The following CUX1 variants were observed in gnomAD, a reference collection of about 807,000 sequenced individuals.
The protein encoded by CUX1 is cut like homeobox 1.
Under a neutral mutation model 158.8 loss-of-function variants are expected in CUX1, and 31 were observed. That is an observed-to-expected ratio of 0.20 (90% confidence interval 0.15 to 0.26). CUX1 has a LOEUF of 0.26. CUX1 is among the 10% of genes least tolerant of loss of function. The pLI, the probability that CUX1 is intolerant of heterozygous loss-of-function variation, is 1.00. For missense variants in CUX1, 1,589 were observed against 2,014.6 expected, an observed-to-expected ratio of 0.79 and a Z score of 4.04; for synonymous variants, 879 against 862.1, an observed-to-expected ratio of 1.02 and a Z score of -0.34.
intron 14 of CUX1, among the ~76,000 whole-genome samples, chr7:102,266,012 T>C (rs1376454916): frequency 6.6e-6 from 1 of 152,104 alleles, no homozygotes; most frequent in Non-Finnish European, 1.5e-5. Flanking sequence ...AAGACCAGCC[T>C]GACCAACATG....
At chr7:102,179,559 C>G (rs1013964620) in intron 11 of CUX1, among the ~76,000 whole-genome samples, 10 of 152,230 alleles carry the variant, frequency 6.6e-5, no homozygotes, top group Admixed American at 6.5e-5. Flanking sequence ...GTCTAGGCTC[C>G]CTCCCACTAG....
At chr7:101,840,902 AT>A (rs112818664) in intron 1 of CUX1, among the ~76,000 whole-genome samples, 26,714 of 149,854 alleles carry the variant, frequency 0.18, 2,527 homozygotes, top group African/African-American at 0.23. Flanking sequence ...TATTATTATT[AT>A]TTTTTTTTGA....
chr7:102,014,848 C>A (rs1209909504), intron 2 of CUX1, among the ~76,000 whole-genome samples: 10 of 137,928 alleles, frequency 7.3e-5, no homozygotes, highest in African/African-American at 2.5e-4. Flanking sequence ...CTGTAGTATC[C>A]CCCAACCACC....
chr7:102,174,699 A>G (rs1327194687), intron 10 of CUX1, among the ~76,000 whole-genome samples: 3 of 152,216 alleles, frequency 2.0e-5, no homozygotes, highest in Non-Finnish European at 4.4e-5. Context: ...TAATCCCAGC[A>G]CTTTGGGAGG....
chr7:102,283,308 G>A (rs1792253500), exon 23 of CUX1: 22 of 570,862 alleles, frequency 3.9e-5, no homozygotes, highest in East Asian at 1.5e-4. Flanking sequence ...CCCAATGCCC[G>A]GCCAGGCTAA....
chr7:102,096,743 G>A (rs1829235135), intron 4 of CUX1, among the ~76,000 whole-genome samples: 1 of 152,180 alleles, frequency 6.6e-6, no homozygotes, highest in Admixed American at 6.5e-5. Context: ...ATCACTTGGA[G>A]TTAACAGACT....
intron 1 of CUX1, among the ~76,000 whole-genome samples, chr7:101,907,369 A>G (rs1237863017): frequency 6.6e-6 from 1 of 151,746 alleles, no homozygotes; most frequent in Non-Finnish European, 1.5e-5. Flanking sequence ...ATTTTTTGAG[A>G]CCAGAGTCTC....
intron 2 of CUX1, among the ~76,000 whole-genome samples, chr7:101,924,761 A>T (rs1014956037): frequency 6.7e-6 from 1 of 149,018 alleles, no homozygotes; most frequent in African/African-American, 2.5e-5. Context: ...TTTTGTAGAG[A>T]TGGGGGTCTC....
chr7:102,098,624 A>G (rs1829439877), intron 5 of CUX1, among the ~76,000 whole-genome samples: 2 of 150,066 alleles, frequency 1.3e-5, no homozygotes, highest in Non-Finnish European at 3.0e-5. Flanking sequence ...AACAACAGAA[A>G]AAGTTAATTG....
intron 2 of CUX1, among the ~76,000 whole-genome samples, chr7:101,941,722 C>T (rs756447095): frequency 6.6e-6 from 1 of 152,110 alleles, no homozygotes; most frequent in African/African-American, 2.4e-5. Flanking sequence ...AGATCAGGAG[C>T]GAAGGCTTTA....
intron 1 of CUX1, among the ~76,000 whole-genome samples, chr7:101,850,308 A>T (rs1158703521): frequency 6.6e-6 from 1 of 151,844 alleles, no homozygotes; most frequent in African/African-American, 2.4e-5. Flanking sequence ...TCATTTGTTA[A>T]TCAACATTTT....
At chr7:102,023,549 C>T (rs1276831424) in intron 2 of CUX1, among the ~76,000 whole-genome samples, 1 of 152,186 alleles carries the variant, frequency 6.6e-6, no homozygotes, top group Non-Finnish European at 1.5e-5. Flanking sequence ...GGCTCACTTG[C>T]AGCCTCAACC....
In CUX1 at chr7:102,275,297, C is replaced by T. The variant is rs375776301; in HGVS notation, c.1501C>T (p.Leu501=). The T allele has an allele frequency of 9.5e-5, 154 of 1,612,708 alleles. No homozygotes were observed. The Admixed American group carries it at 1.5e-3, about 15-fold the overall frequency. ...CCTCCCAGAGGGCCAGGTGGATTCA[C>T]TGCTTTCCATCATCTCCAGCCAGAG... Residue 501 remains leucine (L), a synonymous_variant, in exon 17 of 23, where the codon CTG becomes TTG. Transcript: ENST00000292538.
At chr7:102,179,027 G>C (rs960630701) in intron 11 of CUX1, among the ~76,000 whole-genome samples, 1 of 152,086 alleles carries the variant, frequency 6.6e-6, no homozygotes, top group Non-Finnish European at 1.5e-5. Flanking sequence ...ACCATGCCCG[G>C]CTTATTTGTT....
intron 13 of CUX1, chr7:102,194,287 T>TA (rs1464358778): frequency 1.1e-5 from 2 of 178,874 alleles, no homozygotes; most frequent in African/African-American, 4.7e-5. Flanking sequence ...AGAACATAAA[T>TA]AAAAAACAAT....
At position 102,257,337 on chromosome 7, in the gene CUX1, T is replaced by C. The variant is rs1228653780; in HGVS notation, c.*8295T>C. 1 of 984,496 alleles carries C rather than the reference T, an allele frequency of 1.0e-6. No individual in the cohort carries two copies. Among genetic ancestry groups the C allele is most frequent in the African/African-American group, 1.8e-5 (1 of 56,986 alleles). 61.0% of individuals were successfully genotyped at this position (984,496 alleles called of 1,614,324 possible). On this transcript the variant is annotated 3_prime_UTR_variant, in exon 24 of 24. Transcript: ENST00000292535. Reference sequence around the variant, plus strand: ...TTTTTTCATTTTTCTCTAATTAGTCTATGCATTTCTCTCTCTCAAACCATC... The same window carrying C: ...TTTTTTCATTTTTCTCTAATTAGTCCATGCATTTCTCTCTCTCAAACCATC...
chr7:102,021,854 C>A (rs1819411922), intron 2 of CUX1, among the ~76,000 whole-genome samples: 1 of 152,112 alleles, frequency 6.6e-6, no homozygotes, highest in Non-Finnish European at 1.5e-5. Flanking sequence ...AGCCACCACA[C>A]CCGGCCCAGA....
intron 2 of CUX1, among the ~76,000 whole-genome samples, chr7:101,994,967 C>T (rs1375279682): frequency 6.6e-6 from 1 of 151,160 alleles, no homozygotes; most frequent in Non-Finnish European, 1.5e-5. Context: ...CATGGTGGCA[C>T]ATGCCATTAG....
chr7:101,959,078 T>G lies in CUX1; in HGVS notation c.141+42853T>G, dbSNP rs533859896. 2.6e-5 allele frequency among the ~76,000 whole-genome samples: 4 copies of G among 152,104 alleles called. No homozygotes were observed. The South Asian group carries it at 6.2e-4, about 24-fold the overall frequency. ...TCTGGCAGTGTTGCCTAAGCTGGTCTCAAATTCCTGGGCTTAAGTGATCCG... is the reference window on the plus strand; with the variant it reads ...TCTGGCAGTGTTGCCTAAGCTGGTCGCAAATTCCTGGGCTTAAGTGATCCG... On this transcript the variant is annotated intron_variant, in intron 2 of 23. Coordinates refer to ENST00000292535, the MANE Select transcript of CUX1 (RefSeq NM_181552.4).
Sources: gnomAD v4.1 joint callset for allele counts (sites outside exome capture counted in the v4.1 genomes callset) on GRCh38, gnomAD v4.1.1 for gene constraint, MANE v1.5 for transcripts, NCBI Gene and HGNC (gene_info 2026-07-23, HGNC 2026-07-21) for gene names.